The following LASP1 variants were observed in gnomAD, a reference collection of about 807,000 sequenced individuals.
LASP1 encodes LIM and SH3 protein 1.
LASP1 carries 10 observed loss-of-function variants against 38.6 expected under a neutral mutation model. The observed-to-expected ratio is 0.26, with a 90% CI of 0.16 to 0.44. The LOEUF (loss-of-function observed/expected upper bound fraction) is 0.44, where lower values mean the gene tolerates loss of function less well. LASP1 is among the 20% of genes least tolerant of loss of function. LASP1 has a pLI of 1.00. For synonymous variants in LASP1, 132 were observed against 140.8 expected (o/e 0.94, Z 0.44); for missense variants, 243 against 375.7 (o/e 0.65, Z 2.92).
chr17:38,918,602 C>G lies in LASP1; in HGVS notation c.613-3C>G. 1 of 1,581,034 alleles carries G rather than the reference C, an allele frequency of 6.3e-7. No homozygotes were observed. Among genetic ancestry groups the G allele is most frequent in the Non-Finnish European group, 8.6e-7 (1 of 1,157,400 alleles). ...CCCTAGGCTGACCACACTTCCCCCA[C>G]AGAAGCGGTACCGCGCGGTGTATGA... On this transcript the variant is annotated splice_region_variant and splice_polypyrimidine_tract_variant and intron_variant, in intron 6 of 6. Transcript: ENST00000318008. The surrounding 1 kb of genome is among the most constrained non-coding windows in gnomAD (Gnocchi z 4.4).
At chr17:38,916,329 G>C (rs1481909698) in intron 6 of LASP1, 1 of 152,302 alleles carries the variant, frequency 6.6e-6, no homozygotes, top group Non-Finnish European at 1.5e-5. Flanking sequence ...GGAGGCCAAG[G>C]CGGGCAGGTC....
In LASP1 at chr17:38,889,248, A is replaced by G. The variant is rs374344687; in HGVS notation, c.165-1172A>G. Among the ~76,000 whole-genome samples, 9 of 152,286 alleles carry G rather than the reference A, an allele frequency of 5.9e-5. No homozygotes were observed. In the East Asian group the frequency reaches 1.7e-3, roughly 29 times the overall value. ...TGAGTTCAAGCGATTCTCCTGCCTCAGCCTCCTGAGTAGCTGGGACTATAG... is the reference window on the plus strand; with the variant it reads ...TGAGTTCAAGCGATTCTCCTGCCTCGGCCTCCTGAGTAGCTGGGACTATAG... On this transcript the variant is annotated intron_variant, in intron 2 of 6. Coordinates refer to ENST00000318008, the MANE Select transcript of LASP1 (RefSeq NM_006148.4).
At position 38,894,278 on chromosome 17, in the gene LASP1, C is replaced by T. The variant is rs538433244; in HGVS notation, c.249+3774C>T. ...GGCAGAAGTGCCAAGTGCCAGTAGACTGTTCTTCCATTTTTTCCTTCATCA... is the reference window on the plus strand; with the variant it reads ...GGCAGAAGTGCCAAGTGCCAGTAGATTGTTCTTCCATTTTTTCCTTCATCA... On this transcript the variant is annotated intron_variant, in intron 3 of 6. Transcript: ENST00000318008. 8.3e-4 allele frequency among the ~76,000 whole-genome samples: 127 copies of T among 152,356 alleles called. 1 individual carries two copies. The highest frequency in any genetic ancestry group is 2.9e-3 in the African/African-American group (122 of 41,586).
intron 6 of LASP1, chr17:38,916,126 C>T (rs1187777206): frequency 6.6e-6 from 1 of 152,396 alleles, no homozygotes; most frequent in African/African-American, 2.4e-5. Flanking sequence ...AAAGCCACCT[C>T]TCTGCCCTCT....
intron 6 of LASP1, among the ~76,000 whole-genome samples, chr17:38,917,281 C>A (rs1055547568): frequency 2.6e-5 from 4 of 152,166 alleles, no homozygotes; most frequent in African/African-American, 9.7e-5. Context: ...GGAGGTGTGA[C>A]TTCTTATCCC....
intron 4 of LASP1, among the ~76,000 whole-genome samples, chr17:38,900,132 G>T (rs1402324792): frequency 6.7e-6 from 1 of 148,718 alleles, no homozygotes; most frequent in East Asian, 2.0e-4. Flanking sequence ...GGAGACTGAG[G>T]TGGGAGGATT....
chr17:38,881,337 A>C (rs1469705692), intron 2 of LASP1, among the ~76,000 whole-genome samples: 3 of 151,086 alleles, frequency 2.0e-5, no homozygotes, highest in African/African-American at 7.3e-5. Flanking sequence ...AGTGCAGTGG[A>C]GTGATCATGG....
At chr17:38,895,647 C>T (rs910261501) in intron 3 of LASP1, among the ~76,000 whole-genome samples, 1 of 152,102 alleles carries the variant, frequency 6.6e-6, no homozygotes, top group Non-Finnish European at 1.5e-5. Flanking sequence ...GATCCTTCTT[C>T]TTATATTGGG....
rs151115012 is a variant in LASP1 at position 38,914,970 on chromosome 17, A to C, written c.509-73A>C. ...GGCGGGGTGGAAGTGCATGGTATGG[A>C]CTTCTCGGGAGCTCTGGGAGGGGCT... is the stretch of plus-strand genomic sequence containing the variant. On this transcript the variant is annotated intron_variant, in intron 5 of 6. Transcript: ENST00000318008. 3.1e-4 allele frequency: 443 copies of C among 1,411,012 alleles called. 1 individual carries two copies. The East Asian group carries it at 8.8e-3, about 28-fold the overall frequency. The allele number at this position is 1,411,012 out of a possible 1,614,324, so 87.4% of individuals were successfully genotyped here.
intron 2 of LASP1, among the ~76,000 whole-genome samples, chr17:38,881,706 C>T (rs1193024391): frequency 2.0e-5 from 3 of 152,190 alleles, no homozygotes; most frequent in Non-Finnish European, 2.9e-5. Context: ...CGTAGGGGCA[C>T]GTGGTTTCTT....
In LASP1 at chr17:38,919,724, G is replaced by A. The variant is rs888312559; in HGVS notation, c.*946G>A. On this transcript the variant is annotated 3_prime_UTR_variant, in exon 7 of 7. Transcript: ENST00000318008. ...TCCTCCCTGCTCCTCATGGGAAGAT[G>A]TCTCAGAGCCTTCCATGACCTCCCC... 5 of 389,230 alleles carry A rather than the reference G, an allele frequency of 1.3e-5. No individual in the cohort carries two copies. The East Asian group carries it at 2.1e-4, about 16-fold the overall frequency. The allele number at this position is 389,230 out of a possible 1,614,324, so 24.1% of individuals were successfully genotyped here.
Position 38,900,197 on chromosome 17 carries a change from CAAAAAAAAA to C in LASP1, c.357+1695_357+1703del, listed in dbSNP as rs56008544. Among the ~76,000 whole-genome samples, 13 of 67,584 alleles carry C rather than the reference CAAAAAAAAA, an allele frequency of 1.9e-4. No individual in the cohort carries two copies. In the South Asian group the frequency reaches 2.9e-3, roughly 15 times the overall value. 44.3% of individuals were successfully genotyped at this position (67,584 alleles called of 152,430 possible). Reference sequence around the variant, plus strand: ...GGGCAACATAGCAAAACTGTTTCTACAAAAAAAAAAAAAAAAAAAAAAAAATACAAAAAC... The same window carrying C: ...GGGCAACATAGCAAAACTGTTTCTACAAAAAAAAAAAAAAAATACAAAAAC... On this transcript the variant is annotated intron_variant, in intron 4 of 6. Transcript: ENST00000318008.
intron 3 of LASP1, 57 bp from the exon 4 acceptor site, chr17:38,898,355 G>A (rs1172710129): frequency 7.5e-7 from 1 of 1,338,518 alleles, no homozygotes; most frequent in Non-Finnish European, 1.0e-6. Flanking sequence ...GGGGCCCCAA[G>A]CCGAGGCCCT....
chr17:38,913,977 G>C (rs1915033733), intron 4 of LASP1, among the ~76,000 whole-genome samples: 1 of 151,566 alleles, frequency 6.6e-6, no homozygotes, highest in Non-Finnish European at 1.5e-5. Flanking sequence ...ACTCCAGCCT[G>C]GGCGACAGAG....
At position 38,918,616 on chromosome 17, in the gene LASP1, C is replaced by T. The variant is rs8073093; in HGVS notation, c.624C>T (p.Arg208=). ...SAPGGGGKRY[R]AVYDYSAADE... ...CACTTCCCCCACAGAAGCGGTACCGCGCGGTGTATGACTACAGCGCCGCCG... is the reference window on the plus strand; with the variant it reads ...CACTTCCCCCACAGAAGCGGTACCGTGCGGTGTATGACTACAGCGCCGCCG... The change falls in exon 7 of 7, where the codon CGC becomes CGT. Residue 208 remains arginine, a synonymous_variant. Transcript: ENST00000318008. The surrounding 1 kb of genome is among the most constrained non-coding windows in gnomAD (Gnocchi z 4.4). The T allele has an allele frequency of 1.1e-3, 1,760 of 1,598,938 alleles. 9 individuals carry two copies. The African/African-American group carries it at 0.021, about 19-fold the overall frequency.
At chr17:38,913,355 G>A (rs577491348) in intron 4 of LASP1, among the ~76,000 whole-genome samples, 3 of 152,202 alleles carry the variant, frequency 2.0e-5, no homozygotes, top group Non-Finnish European at 4.4e-5. Context: ...CTCAGGGAGG[G>A]TCTGGCAGTT....
chr17:38,911,183 G>C (rs907159492), intron 4 of LASP1, among the ~76,000 whole-genome samples: 3 of 152,178 alleles, frequency 2.0e-5, no homozygotes, highest in African/African-American at 7.2e-5. Context: ...TCCAGTGGGG[G>C]TGGGGGACAC....
Position 38,919,205 on chromosome 17 carries a change from C to A in LASP1, c.*427C>A. The A allele has an allele frequency of 3.7e-6, 1 of 267,014 alleles. No homozygotes were observed. The highest frequency in any genetic ancestry group is 9.0e-5 in the South Asian group (1 of 11,124). 16.5% of individuals were successfully genotyped at this position (267,014 alleles called of 1,614,324 possible). A position where few individuals can be genotyped will look rare whatever the true frequency, so the allele number is the denominator to read the frequency against. ...CTCCCTACATTCCCCAGAGTGGGAT[C>A]CACTTCTTGGTTCCTGGGATGGCGA... On this transcript the variant is annotated 3_prime_UTR_variant, in exon 7 of 7. Transcript: ENST00000318008.
chr17:38,872,872 G>A (rs2143719598), intron 1 of LASP1, among the ~76,000 whole-genome samples: 1 of 152,210 alleles, frequency 6.6e-6, no homozygotes, highest in Non-Finnish European at 1.5e-5. Context: ...AGGCCACCCT[G>A]CCCCCAACCT....
Sources: allele counts gnomAD v4.1 joint callset (sites outside exome capture counted in the v4.1 genomes callset), GRCh38; gene constraint gnomAD v4.1.1; non-coding constraint Gnocchi (gnomAD v3.1); transcripts MANE v1.5; gene names NCBI Gene and HGNC (gene_info 2026-07-23, HGNC 2026-07-21).